The following CAT variants were observed in gnomAD, a reference collection of about 807,000 sequenced individuals.
CAT encodes epididymis secretory sperm binding protein.
In CAT, 43 loss-of-function variants were observed where a neutral mutation model predicts 59.0. The ratio of observed to expected loss-of-function variants is 0.73; its 90% CI spans 0.57 to 0.94. The LOEUF is 0.94. CAT is among the 40% of genes least tolerant of loss of function. CAT has a pLI of 0.00. For synonymous variants in CAT, 218 were observed against 230.9 expected (o/e 0.94, Z 0.51); for missense variants, 664 against 682.9 (o/e 0.97, Z 0.31).
Position 34,456,207 on chromosome 11 carries a change from G to T in CAT, c.903+5G>T, listed in dbSNP as rs147912187. 2.6e-3 allele frequency: 4,249 copies of T among 1,607,840 alleles called. 20 individuals carry two copies. The highest frequency in any genetic ancestry group is 0.011 in the South Asian group (1,022 of 90,918). ...AATCCATTCGATCTCACCAAGGTGA[G>T]TCAGTAAACAACTATATTGTTTTCT... On this transcript the variant is annotated splice_donor_5th_base_variant and intron_variant, in intron 7 of 12. Coordinates refer to ENST00000241052, the MANE Select transcript of CAT (RefSeq NM_001752.4).
rs1856352000 is a variant in CAT, at chr11:34,439,060, A to G, written c.47A>G (p.Lys16Arg). Residue 16 changes from lysine (K) to arginine (R), a missense_variant, in exon 1 of 13, where the codon AAG becomes AGG. By Grantham distance (26) the Lys-to-Arg change is conservative. Coordinates refer to ENST00000241052, the MANE Select transcript of CAT (RefSeq NM_001752.4). ...GCCAGCGACCAGATGCAGCACTGGA[A>G]GGAGCAGCGGGCCGCGCAGGTACAC... ...DPASDQMQHWKEQRAAQKADV... is the reference protein window; with the variant it reads ...DPASDQMQHWREQRAAQKADV... 1.9e-6 allele frequency: 3 copies of G among 1,597,044 alleles called. No homozygotes were observed. Among genetic ancestry groups the G allele is most frequent in the Non-Finnish European group, 2.6e-6 (3 of 1,171,918 alleles).
At chr11:34,458,609 A>C (rs1339660537) in intron 8 of CAT, among the ~76,000 whole-genome samples, 1 of 152,222 alleles carries the variant, frequency 6.6e-6, no homozygotes, top group African/African-American at 2.4e-5. Flanking sequence ...CCAAGGCATG[A>C]AATTGTCATG....
chr11:34,466,297 C>T (rs1281686893), intron 10 of CAT, among the ~76,000 whole-genome samples: 2 of 152,118 alleles, frequency 1.3e-5, no homozygotes, highest in African/African-American at 4.8e-5. Context: ...GATTCTAGAC[C>T]TTTTTATATG....
intron 11 of CAT, 173 bp from the exon 12 acceptor site, chr11:34,470,785 C>T: frequency 1.4e-6 from 1 of 712,418 alleles, no homozygotes. Flanking sequence ...TCAGAGTGTT[C>T]ACTGGACCTG....
intron 6 of CAT, among the ~76,000 whole-genome samples, chr11:34,454,220 A>G (rs1254805430): frequency 6.6e-6 from 1 of 152,218 alleles, no homozygotes; most frequent in Non-Finnish European, 1.5e-5. Context: ...TTGAGGTTTT[A>G]TTATGAACAA....
chr11:34,439,006 C>A lies in CAT; in HGVS notation c.-8C>A, dbSNP rs557973663. The A allele has an allele frequency of 3.8e-6, 6 of 1,586,278 alleles. No homozygotes were observed. The Admixed American group carries it at 8.8e-5, about 23-fold the overall frequency. ...TCCTGCAGTGTTCTGCACAGCAAAC[C>A]GCACGCTATGGCTGACAGCCGGGAT... is the stretch of plus-strand genomic sequence containing the variant. On this transcript the variant is annotated 5_prime_UTR_variant, in exon 1 of 13. Coordinates refer to ENST00000241052, the MANE Select transcript of CAT (RefSeq NM_001752.4).
At chr11:34,452,558 C>T (rs1041442414) in intron 4 of CAT, among the ~76,000 whole-genome samples, 1 of 151,796 alleles carries the variant, frequency 6.6e-6, no homozygotes, top group Non-Finnish European at 1.5e-5. Flanking sequence ...TGCGCGCATG[C>T]GGGAGGGTGG....
In CAT at chr11:34,439,022, C is replaced by G. The variant is rs200040258; in HGVS notation, c.9C>G (p.Asp3Glu). The G allele has an allele frequency of 4.9e-5, 78 of 1,593,662 alleles. No homozygotes were observed. Among genetic ancestry groups the G allele is most frequent in the African/African-American group, 8.1e-5 (6 of 74,472 alleles). MA[D>E]SRDPASDQMQ... ...ACAGCAAACCGCACGCTATGGCTGA[C>G]AGCCGGGATCCCGCCAGCGACCAGA... The change falls in exon 1 of 13, where the codon GAC (aspartate) becomes GAG (glutamate). Residue 3 changes from aspartate (D) to glutamate (E), a missense_variant. Asp to Glu is a conservative substitution (Grantham distance 45). Transcript: ENST00000241052.
intron 9 of CAT, among the ~76,000 whole-genome samples, chr11:34,463,151 G>A (rs1856669990): frequency 6.6e-6 from 1 of 152,052 alleles, no homozygotes; most frequent in Admixed American, 6.5e-5. Flanking sequence ...ATATGTTTCT[G>A]GGCCACTCCT....
Position 34,471,447 on chromosome 11 carries a change from C to G in CAT, c.*14C>G. 1 of 1,611,688 alleles carries G rather than the reference C, an allele frequency of 6.2e-7. No homozygotes were observed. The highest frequency in any genetic ancestry group is 1.1e-5 in the South Asian group (1 of 91,028). The stretch of plus-strand genomic sequence containing the variant: ...GCAAATCTGTGAGGCCGGGGCCCTG[C>G]ACCTGTGCAGCGAAGCTTAGCGTTC... On this transcript the variant is annotated 3_prime_UTR_variant, in exon 13 of 13. Transcript: ENST00000241052.
chr11:34,469,240 G>T (rs1856750485), intron 11 of CAT, among the ~76,000 whole-genome samples: 1 of 152,166 alleles, frequency 6.6e-6, no homozygotes, highest in African/African-American at 2.4e-5. Flanking sequence ...TGTCTGGGCT[G>T]TGTCCCAGAG....
chr11:34,466,311 A>G (rs968751343), intron 10 of CAT, among the ~76,000 whole-genome samples: 15 of 152,226 alleles, frequency 9.9e-5, no homozygotes, highest in African/African-American at 2.7e-4. Flanking sequence ...TTATATGGAA[A>G]TGTTCAGCAT....
intron 10 of CAT, among the ~76,000 whole-genome samples, chr11:34,465,921 A>G (rs951955985): frequency 1.3e-5 from 2 of 152,150 alleles, no homozygotes; most frequent in African/African-American, 4.8e-5. Flanking sequence ...GAAGTGCAGG[A>G]AAAAAAAGTG....
At chr11:34,457,891 C>G (rs2268063) in intron 8 of CAT, among the ~76,000 whole-genome samples, 2 of 152,214 alleles carry the variant, frequency 1.3e-5, no homozygotes, top group Non-Finnish European at 1.5e-5. Context: ...GCATGGAGGA[C>G]AAGCTAAGAT....
At chr11:34,461,150 C>T in intron 8 of CAT, 101 bp from the exon 9 acceptor site, 1 of 1,286,428 alleles carries the variant, frequency 7.8e-7, no homozygotes, top group South Asian at 1.2e-5. Context: ...TAACCATGTA[C>T]AGAGTGCTTT....
intron 10 of CAT, among the ~76,000 whole-genome samples, chr11:34,467,551 C>T (rs916265911): frequency 3.9e-5 from 6 of 152,098 alleles, no homozygotes; most frequent in African/African-American, 1.2e-4. Flanking sequence ...ATTAATAGAA[C>T]AGCACGTAGA....
intron 11 of CAT, 116 bp downstream of exon 11, chr11:34,468,511 A>T (rs1856743534): frequency 1.4e-5 from 3 of 213,220 alleles, no homozygotes; most frequent in South Asian, 9.4e-5. Flanking sequence ...AAGAGAACTT[A>T]AAAAAAAAAA....
chr11:34,443,489 G>A (rs1166482713), intron 1 of CAT, among the ~76,000 whole-genome samples: 1 of 152,108 alleles, frequency 6.6e-6, no homozygotes, highest in African/African-American at 2.4e-5. Context: ...CACTTTGAAG[G>A]GAACTTAAAT....
rs201278424 is a variant in CAT at position 34,451,097 on chromosome 11, T to A, written c.348T>A (p.Val116=). Residue 116 remains valine, a splice_region_variant and synonymous_variant, in exon 3 of 13, where the codon GTT becomes GTA. Coordinates refer to ENST00000241052, the MANE Select transcript of CAT (RefSeq NM_001752.4). ...CCATCGCAGTTCGGTTCTCCACTGT[T>A]GGTAAGTTGGTTTATTGGCGTGATT... ...KTPIAVRFST[V]AGESGSADTV... 8 of 1,576,000 alleles carry A rather than the reference T, an allele frequency of 5.1e-6. No homozygotes were observed. The highest frequency in any genetic ancestry group is 1.1e-5 in the South Asian group (1 of 90,348).
Sources: allele counts gnomAD v4.1 joint callset (sites outside exome capture counted in the v4.1 genomes callset), GRCh38; gene constraint gnomAD v4.1.1; transcripts MANE v1.5; gene names NCBI Gene and HGNC (gene_info 2026-07-23, HGNC 2026-07-21).